The following RANBP3L variants were observed in gnomAD, a reference collection of about 807,000 sequenced individuals.
RANBP3L encodes RAN binding protein 3 like.
In RANBP3L, 56 loss-of-function variants were observed where a neutral mutation model predicts 67.2. The ratio of observed to expected loss-of-function variants is 0.83; its 90% CI spans 0.67 to 1.04. RANBP3L has a LOEUF of 1.04. Ranked by LOEUF, RANBP3L falls within the 50% of genes least tolerant of loss-of-function variation. The probability of loss-of-function intolerance (pLI) is 0.00; values close to 1 mark genes in which losing one functional copy is unlikely to be tolerated. For missense variants in RANBP3L, 496 were observed against 535.5 expected (o/e 0.93, Z 0.73); for synonymous variants, 164 against 181.4 (o/e 0.90, Z 0.77).
At chr5:36,257,396 TA>T (rs1323915208) in intron 9 of RANBP3L, 57 bp downstream of exon 9, 3 of 686,092 alleles carry the variant, frequency 4.4e-6, no homozygotes, top group East Asian at 3.0e-5. Flanking sequence ...TGTTAATAAA[TA>T]AAAAACAGGA....
intron 8 of RANBP3L, among the ~76,000 whole-genome samples, chr5:36,260,468 C>A (rs186494318): frequency 2.8e-3 from 430 of 151,646 alleles, no homozygotes; most frequent in Non-Finnish European, 5.2e-3. Context: ...CTGAGCTTAT[C>A]TAACTATTGC....
chr5:36,260,539 T>A (rs1235350515), intron 8 of RANBP3L, among the ~76,000 whole-genome samples: 1 of 152,154 alleles, frequency 6.6e-6, no homozygotes, highest in Non-Finnish European at 1.5e-5. Context: ...AACTATTTAA[T>A]ATTTCACATC....
rs1223866751 is a variant in RANBP3L at position 36,253,591 on chromosome 5, G to A, written c.1167+56C>T. On this transcript the variant is annotated intron_variant, in intron 12 of 13. Coordinates refer to ENST00000296604, the MANE Select transcript of RANBP3L (RefSeq NM_145000.5). ...CTAATGAAAAAACAAATTAGTAATT[G>A]CAGACGTCTATTAATTTAGTAGGAT... The A allele has an allele frequency of 7.1e-6, 10 of 1,408,270 alleles. No homozygotes were observed. The East Asian group carries it at 1.8e-4, about 26-fold the overall frequency. 87.2% of individuals were successfully genotyped at this position (1,408,270 alleles called of 1,614,324 possible).
chr5:36,249,444 A>G lies in RANBP3L; in HGVS notation c.*210T>C. 1 of 332,986 alleles carries G rather than the reference A, an allele frequency of 3.0e-6. No individual in the cohort carries two copies. The highest frequency in any genetic ancestry group is 5.5e-6 in the Non-Finnish European group (1 of 182,716). 20.6% of individuals were successfully genotyped at this position (332,986 alleles called of 1,614,324 possible). A position where few individuals can be genotyped will look rare whatever the true frequency, so the allele number is the denominator to read the frequency against. On this transcript the variant is annotated 3_prime_UTR_variant, in exon 14 of 14. Coordinates refer to ENST00000296604, the MANE Select transcript of RANBP3L (RefSeq NM_145000.5). ...GATAAATTTTGAACTTCTGAAGTCC[A>G]TTTTTTTAAATTCTGTCAGTTTCTG...
At chr5:36,273,277 C>G (rs192833213) in intron 1 of RANBP3L, among the ~76,000 whole-genome samples, 204 of 152,266 alleles carry the variant, frequency 1.3e-3, no homozygotes, top group African/African-American at 4.7e-3. Flanking sequence ...AATATGTTGA[C>G]CTTCCCTCTA....
At chr5:36,281,643 C>T (rs1381114047) in intron 1 of RANBP3L, among the ~76,000 whole-genome samples, 1 of 152,090 alleles carries the variant, frequency 6.6e-6, no homozygotes, top group African/African-American at 2.4e-5. Flanking sequence ...GTGAGTCTTC[C>T]TGCACTTCAG....
At chr5:36,260,957 A>G (rs1273387732) in intron 7 of RANBP3L, 93 bp from the exon 8 acceptor site, 3 of 627,930 alleles carry the variant, frequency 4.8e-6, no homozygotes, top group East Asian at 5.8e-5. Context: ...AGATTTATGT[A>G]AATCAAATTT....
chr5:36,290,800 C>T (rs372184150), intron 1 of RANBP3L, among the ~76,000 whole-genome samples: 2 of 135,144 alleles, frequency 1.5e-5, no homozygotes, highest in African/African-American at 2.7e-5. Context: ...GGCGCGATCT[C>T]GGCTCACTGC....
chr5:36,252,619 T>C (rs953497807), intron 12 of RANBP3L, among the ~76,000 whole-genome samples: 4 of 152,048 alleles, frequency 2.6e-5, no homozygotes, highest in Admixed American at 6.6e-5. Context: ...TGTATGTGTA[T>C]ACTAAAATAT....
chr5:36,280,685 T>TG (rs1750914223), intron 1 of RANBP3L, among the ~76,000 whole-genome samples: 1 of 152,292 alleles, frequency 6.6e-6, no homozygotes, highest in African/African-American at 2.4e-5. Context: ...GCTTTTTATT[T>TG]GGGGGTGATC....
At position 36,251,483 on chromosome 5, in the gene RANBP3L, G is replaced by A. The variant is rs1264870972; in HGVS notation, c.1184C>T (p.Thr395Ile). 1 of 1,610,160 alleles carries A rather than the reference G, an allele frequency of 6.2e-7. No homozygotes were observed. The highest frequency in any genetic ancestry group is 8.5e-7 in the Non-Finnish European group (1 of 1,177,482). The change falls in exon 13 of 14, where the codon ACA (threonine) becomes ATA (isoleucine). Residue 395 changes from threonine to isoleucine, a missense_variant. Thr to Ile is a moderately conservative substitution (Grantham distance 89, BLOSUM62 -1). Transcript: ENST00000296604. ...ATGTATTGCTGCATACAAATATGCT[G>A]TATCTTGGGCACTGGCCTGCATGAG... ...IFLIQASAQD[T>I]AYLYAAIHHR...
Position 36,249,688 on chromosome 5 carries a change from C to A in RANBP3L, c.1364G>T (p.Ser455Ile). 6.5e-7 allele frequency: 1 copy of A among 1,542,804 alleles called. No individual in the cohort carries two copies. Residue 455 changes from serine to isoleucine, a missense_variant, in exon 14 of 14, where the codon AGT (serine) becomes ATT (isoleucine). Coordinates refer to ENST00000296604, the MANE Select transcript of RANBP3L (RefSeq NM_145000.5). ...GGCAACCGACTGTCTGTGAGTCCAACTAGAAGGATCTGTGATATAAATTTA... is the reference window on the plus strand; with the variant it reads ...GGCAACCGACTGTCTGTGAGTCCAAATAGAAGGATCTGTGATATAAATTTA... Reference protein sequence around the residue: ...QVTKNGSDPSSWTHRQSVACS With the variant: ...QVTKNGSDPSIWTHRQSVACS
chr5:36,275,372 G>T (rs996924871), intron 1 of RANBP3L, among the ~76,000 whole-genome samples: 1 of 152,108 alleles, frequency 6.6e-6, no homozygotes, highest in Non-Finnish European at 1.5e-5. Context: ...ATTAAATCTA[G>T]GCCTCCTGCC....
chr5:36,276,412 T>C (rs1445893075), intron 1 of RANBP3L, among the ~76,000 whole-genome samples: 1 of 152,194 alleles, frequency 6.6e-6, no homozygotes, highest in Non-Finnish European at 1.5e-5. Flanking sequence ...CAGTATATTG[T>C]TAAAATTGTC....
chr5:36,275,086 A>G (rs2111946404), intron 1 of RANBP3L, among the ~76,000 whole-genome samples: 1 of 152,302 alleles, frequency 6.6e-6, no homozygotes, highest in Non-Finnish European at 1.5e-5. Flanking sequence ...CATTAAGAGA[A>G]GACATTCATT....
At position 36,301,699 on chromosome 5, in the gene RANBP3L, A is replaced by G; in HGVS notation, c.-283T>C. 2.9e-6 allele frequency: 1 copy of G among 339,724 alleles called. No homozygotes were observed. Among genetic ancestry groups the G allele is most frequent in the East Asian group, 4.7e-5 (1 of 21,164 alleles). 21.0% of individuals were successfully genotyped at this position (339,724 alleles called of 1,614,324 possible). A position where few individuals can be genotyped will look rare whatever the true frequency, so the allele number is the denominator to read the frequency against. ...TCATTTCAAAACAAATTGAAACTAAACCTCCTTATAGAGTAAAATTCTACA... is the reference window on the plus strand; with the variant it reads ...TCATTTCAAAACAAATTGAAACTAAGCCTCCTTATAGAGTAAAATTCTACA... On this transcript the variant is annotated 5_prime_UTR_variant, in exon 1 of 14. Coordinates refer to ENST00000296604, the MANE Select transcript of RANBP3L (RefSeq NM_145000.5).
intron 8 of RANBP3L, among the ~76,000 whole-genome samples, chr5:36,259,552 C>T (rs930166104): frequency 6.8e-6 from 1 of 148,030 alleles, no homozygotes; most frequent in Admixed American, 6.8e-5. Flanking sequence ...CACTGCACTC[C>T]AGCCTAGGTG....
intron 12 of RANBP3L, 115 bp downstream of exon 12, chr5:36,253,532 G>C: frequency 1.3e-6 from 1 of 762,420 alleles, no homozygotes; most frequent in Non-Finnish European, 2.1e-6. Flanking sequence ...ATAATGAATG[G>C]CTGAGTTTTT....
intron 4 of RANBP3L, among the ~76,000 whole-genome samples, chr5:36,266,537 CA>C (rs1377387715): frequency 2.0e-5 from 3 of 151,756 alleles, no homozygotes; most frequent in Non-Finnish European, 2.9e-5. Flanking sequence ...TGAACATCAA[CA>C]AAAAAAGAGC....
Sources: gnomAD v4.1 joint callset for allele counts (sites outside exome capture counted in the v4.1 genomes callset) on GRCh38, gnomAD v4.1.1 for gene constraint, MANE v1.5 for transcripts, NCBI Gene and HGNC (gene_info 2026-07-23, HGNC 2026-07-21) for gene names.